The following FOXP1 variants were observed in gnomAD, a reference collection of about 807,000 sequenced individuals.
FOXP1 encodes the protein forkhead box protein P1.
Under a neutral mutation model 98.2 loss-of-function variants are expected in FOXP1, and 15 were observed. The observed-to-expected ratio is 0.15, with a 90% CI of 0.10 to 0.24. The LOEUF (loss-of-function observed/expected upper bound fraction) is 0.24, where lower values mean the gene tolerates loss of function less well. Among genes scored for constraint, FOXP1 ranks in the 10% least tolerant of loss-of-function variants. The pLI is 1.00. For synonymous variants in FOXP1, 371 were observed against 314.5 expected (o/e 1.18, Z -1.90); for missense variants, 633 against 848.5 (o/e 0.75, Z 3.15).
chr3:71,553,386 A>G (rs1332414246), intron 2 of FOXP1, among the ~76,000 whole-genome samples: 1 of 152,192 alleles, frequency 6.6e-6, no homozygotes, highest in African/African-American at 2.4e-5. Context: ...TCATTTCTAT[A>G]CGGAATTCAC....
chr3:70,985,160 A>G (rs562812543), intron 14 of FOXP1, among the ~76,000 whole-genome samples: 3 of 152,370 alleles, frequency 2.0e-5, no homozygotes, highest in South Asian at 4.1e-4. Flanking sequence ...TTGTAACATG[A>G]AAGTCCCCAT....
intron 6 of FOXP1, among the ~76,000 whole-genome samples, chr3:71,169,379 T>C (rs187210009): frequency 6.6e-6 from 1 of 152,280 alleles, no homozygotes; most frequent in Admixed American, 6.5e-5. Context: ...CATAAAATGG[T>C]CATAAATATT....
intron 3 of FOXP1, among the ~76,000 whole-genome samples, chr3:71,378,487 A>G (rs35632754): frequency 0.28 from 43,195 of 151,980 alleles, 7,280 homozygotes; most frequent in Middle Eastern, 0.4. Context: ...ACTCTGTCCT[A>G]CCCACATGAG....
At chr3:71,577,491 G>A (rs185340310) in intron 2 of FOXP1, among the ~76,000 whole-genome samples, 95 of 151,224 alleles carry the variant, frequency 6.3e-4, no homozygotes, top group Admixed American at 1.4e-3. Flanking sequence ...CCCAAATTTC[G>A]CCAGGTTTGC....
In FOXP1 at chr3:71,205,242, C is replaced by G. The variant is rs750478414; in HGVS notation, c.-11-6850G>C. Among the ~76,000 whole-genome samples the G allele has an allele frequency of 4.6e-5, 7 of 152,256 alleles. No homozygotes were observed. The East Asian group carries it at 9.7e-4, about 21-fold the overall frequency. ...TGACAAACAAATGAAACCCATAAAT[C>G]TACTTTCTCATTAATTTTCTTGTGG... On this transcript the variant is annotated intron_variant, in intron 5 of 20. Coordinates refer to ENST00000649528, the MANE Select transcript of FOXP1 (RefSeq NM_001349338.3).
In FOXP1 at chr3:71,085,153, T is replaced by G. The variant is rs534602367; in HGVS notation, c.282+27383A>C. 2.0e-4 allele frequency among the ~76,000 whole-genome samples: 30 copies of G among 152,290 alleles called. No homozygotes were observed. In the South Asian group the frequency reaches 6.2e-3, roughly 32 times the overall value. On this transcript the variant is annotated intron_variant, in intron 7 of 20. Coordinates refer to ENST00000649528, the MANE Select transcript of FOXP1 (RefSeq NM_001349338.3). ...TTTCTTCCACTTAGCTTTTTGCTTT[T>G]CTTTTCTGAGACGAGGTCTCACTCT... is the stretch of plus-strand genomic sequence containing the variant.
chr3:71,344,033 G>A (rs1053499437), intron 4 of FOXP1, among the ~76,000 whole-genome samples: 1 of 152,114 alleles, frequency 6.6e-6, no homozygotes, highest in Non-Finnish European at 1.5e-5. Context: ...AGTTCCAGGC[G>A]CAACCAAGGC....
At chr3:71,162,232 G>T (rs947335810) in intron 6 of FOXP1, among the ~76,000 whole-genome samples, 1 of 152,170 alleles carries the variant, frequency 6.6e-6, no homozygotes, top group African/African-American at 2.4e-5. Context: ...TTTACCATTA[G>T]CAAGCCATTA....
chr3:71,261,324 A>G (rs1211758568), intron 5 of FOXP1, among the ~76,000 whole-genome samples: 11 of 152,154 alleles, frequency 7.2e-5, no homozygotes, highest in Admixed American at 7.2e-4. Flanking sequence ...TAATAAAAAA[A>G]TTAGATTTTT....
chr3:71,032,251 C>T (rs1008312751), intron 11 of FOXP1, among the ~76,000 whole-genome samples: 1 of 152,252 alleles, frequency 6.6e-6, no homozygotes, highest in Admixed American at 6.5e-5. Flanking sequence ...CCCATATTAA[C>T]ACCACCTGGG....
At chr3:71,120,089 G>T (rs751476575) in intron 6 of FOXP1, among the ~76,000 whole-genome samples, 3 of 152,312 alleles carry the variant, frequency 2.0e-5, no homozygotes, top group Non-Finnish European at 2.9e-5. Flanking sequence ...ATTGAGTCAG[G>T]TTATTGGTGT....
intron 2 of FOXP1, among the ~76,000 whole-genome samples, chr3:71,506,109 T>C (rs1049226533): frequency 1.3e-5 from 2 of 152,190 alleles, no homozygotes; most frequent in African/African-American, 4.8e-5. Flanking sequence ...TGCTGCAAAG[T>C]TCAAAAGGAG....
intron 6 of FOXP1, among the ~76,000 whole-genome samples, chr3:71,157,422 A>G (rs2060878405): frequency 6.6e-6 from 1 of 152,178 alleles, no homozygotes; most frequent in South Asian, 2.1e-4. Flanking sequence ...TCCTGAAATG[A>G]CTCTTAAATA....
At chr3:71,224,825 A>G (rs1323276427) in intron 5 of FOXP1, among the ~76,000 whole-genome samples, 2 of 152,228 alleles carry the variant, frequency 1.3e-5, no homozygotes, top group Non-Finnish European at 2.9e-5. Flanking sequence ...TTGTTGTGAC[A>G]AGGTTATATT....
chr3:71,556,558 C>CA (rs1363922650), intron 2 of FOXP1, among the ~76,000 whole-genome samples: 1 of 112,490 alleles, frequency 8.9e-6, no homozygotes, highest in African/African-American at 3.6e-5. Context: ...GGCTGGGCGA[C>CA]AGAGCGAGAC....
chr3:71,241,824 G>A (rs1287911781), intron 5 of FOXP1, among the ~76,000 whole-genome samples: 2 of 152,206 alleles, frequency 1.3e-5, no homozygotes, highest in Non-Finnish European at 2.9e-5. Context: ...ATTGGTTAAA[G>A]TTTAAAACAA....
At chr3:71,091,129 G>GTGTGTGTGTTTGTGTGTA (rs3064142) in intron 7 of FOXP1, among the ~76,000 whole-genome samples, 1 of 122,290 alleles carries the variant, frequency 8.2e-6, no homozygotes, top group Non-Finnish European at 1.7e-5. Flanking sequence ...GTGTGTGTGT[G>GTGTGTGTGTTTGTGTGTA]TGTATTCTTA....
At chr3:71,498,108 C>T (rs2091540642) in intron 2 of FOXP1, among the ~76,000 whole-genome samples, 1 of 152,184 alleles carries the variant, frequency 6.6e-6, no homozygotes. Context: ...ACTCCAAATG[C>T]CACAGTCTAG....
intron 6 of FOXP1, among the ~76,000 whole-genome samples, chr3:71,169,168 C>T (rs375785465): frequency 9.9e-5 from 15 of 152,156 alleles, no homozygotes; most frequent in East Asian, 1.9e-4. Flanking sequence ...ACTATTTCAT[C>T]GAGTCAGTTT....
Sources: allele counts gnomAD v4.1 joint callset (sites outside exome capture counted in the v4.1 genomes callset), GRCh38; gene constraint gnomAD v4.1.1; transcripts MANE v1.5; gene names NCBI Gene and HGNC (gene_info 2026-07-23, HGNC 2026-07-21).